Variants in DAB1 observed in about 807,000 individuals in gnomAD.
DAB1 encodes the protein disabled homolog 1.
In DAB1, 15 loss-of-function variants were observed where a neutral mutation model predicts 64.6. The ratio of observed to expected loss-of-function variants is 0.23; its 90% confidence interval spans 0.16 to 0.36. The LOEUF (loss-of-function observed/expected upper bound fraction) is 0.36, where lower values mean the gene tolerates loss of function less well. DAB1 is among the 10% of genes least tolerant of loss of function. DAB1 has a pLI of 1.00. For synonymous variants in DAB1, 235 were observed against 251.9 expected, an observed-to-expected ratio of 0.93 and a Z score of 0.64; for missense variants, 596 against 706.7, an observed-to-expected ratio of 0.84 and a Z score of 1.78.
At chr1:57,561,877 A>G (rs977641527) in intron 7 of DAB1, among the ~76,000 whole-genome samples, 1 of 152,182 alleles carries the variant, frequency 6.6e-6, no homozygotes, top group Non-Finnish European at 1.5e-5. Flanking sequence ...TAGCAGGTTG[A>G]TTATATCAGA....
intron 2 of DAB1, among the ~76,000 whole-genome samples, chr1:57,146,801 G>A (rs995885526): frequency 6.6e-6 from 1 of 152,064 alleles, no homozygotes; most frequent in African/African-American, 2.4e-5. Context: ...TTTGCATTAC[G>A]CTAAGTGTGT....
At chr1:57,150,252 A>C (rs2100841029) in intron 2 of DAB1, among the ~76,000 whole-genome samples, 1 of 152,358 alleles carries the variant, frequency 6.6e-6, no homozygotes, top group East Asian at 1.9e-4. Flanking sequence ...GCAAACAGTA[A>C]GAGCTTAATC....
At chr1:58,422,602 ATTTTTTTTT>A (rs36063995) in intron 3 of DAB1, among the ~76,000 whole-genome samples, 1 of 128,224 alleles carries the variant, frequency 7.8e-6, no homozygotes, top group Non-Finnish European at 1.6e-5. Context: ...CAGGAGGCAA[ATTTTTTTTT>A]TTTTTTTTTT....
At chr1:57,278,137 G>A (rs965198928) in intron 2 of DAB1, among the ~76,000 whole-genome samples, 4 of 152,228 alleles carry the variant, frequency 2.6e-5, no homozygotes, top group Admixed American at 2.6e-4. Context: ...ACAGCATGGT[G>A]TAGCGGAAAG....
intron 7 of DAB1, among the ~76,000 whole-genome samples, chr1:57,644,121 C>T (rs1348715279): frequency 6.6e-6 from 1 of 152,108 alleles, no homozygotes; most frequent in Non-Finnish European, 1.5e-5. Flanking sequence ...GAGAAGGAAA[C>T]AAGCCTGGTG....
At chr1:57,301,511 A>C (rs1284986015) in intron 1 of DAB1, among the ~76,000 whole-genome samples, 2 of 152,162 alleles carry the variant, frequency 1.3e-5, no homozygotes, top group African/African-American at 4.8e-5. Flanking sequence ...AACACGAACT[A>C]TTGCTATTCC....
intron 5 of DAB1, chr1:58,049,217 G>A: frequency 2.6e-6 from 2 of 768,078 alleles, no homozygotes; most frequent in East Asian, 2.4e-5. Context: ...TCTCATCAGT[G>A]GTGTCAAAGC....
chr1:57,252,445 T>C (rs888006583), intron 2 of DAB1, among the ~76,000 whole-genome samples: 3 of 152,212 alleles, frequency 2.0e-5, no homozygotes, highest in Admixed American at 6.5e-5. Flanking sequence ...ACTGAGTTTA[T>C]TTCCATGAAA....
At chr1:57,056,333 T>C (rs1320422119) in intron 9 of DAB1, among the ~76,000 whole-genome samples, 1 of 117,308 alleles carries the variant, frequency 8.5e-6, no homozygotes, top group Non-Finnish European at 1.8e-5. Flanking sequence ...TCCTCATCTT[T>C]AAAAAAAAAA....
intron 5 of DAB1, among the ~76,000 whole-genome samples, chr1:58,088,104 G>C (rs1470829270): frequency 6.6e-6 from 1 of 152,236 alleles, no homozygotes; most frequent in East Asian, 1.9e-4. Context: ...CATCCAGAGA[G>C]AGGGCTGGGT....
intron 7 of DAB1, among the ~76,000 whole-genome samples, chr1:57,527,269 T>C (rs935141103): frequency 6.6e-6 from 1 of 152,212 alleles, no homozygotes; most frequent in Non-Finnish European, 1.5e-5. Context: ...TCCTTGGTGA[T>C]TGGACTGATT....
chr1:57,243,035 T>G (rs1451404562), intron 2 of DAB1, among the ~76,000 whole-genome samples: 1 of 152,168 alleles, frequency 6.6e-6, no homozygotes, highest in Admixed American at 6.5e-5. Flanking sequence ...CTGAAATGGG[T>G]TGTTACCAGC....
intron 3 of DAB1, among the ~76,000 whole-genome samples, chr1:58,499,541 A>C (rs1281659373): frequency 7.9e-6 from 1 of 125,880 alleles, no homozygotes; most frequent in East Asian, 2.5e-4. Context: ...AAAAAGTATA[A>C]ACTTTCAGTC....
At chr1:58,153,294 C>T (rs946838750) in intron 4 of DAB1, among the ~76,000 whole-genome samples, 5 of 152,184 alleles carry the variant, frequency 3.3e-5, no homozygotes, top group Non-Finnish European at 7.3e-5. Flanking sequence ...AGTACTTCCA[C>T]ATCTTTCATC....
At chr1:57,664,127 A>G (rs1028054031) in intron 6 of DAB1, among the ~76,000 whole-genome samples, 14 of 151,858 alleles carry the variant, frequency 9.2e-5, no homozygotes, top group African/African-American at 2.2e-4. Flanking sequence ...TAAATGGGGG[A>G]AAAAAAAGGA....
chr1:57,563,695 G>C (rs1371049023), intron 7 of DAB1, among the ~76,000 whole-genome samples: 2 of 152,164 alleles, frequency 1.3e-5, no homozygotes, highest in Non-Finnish European at 2.9e-5. Flanking sequence ...CTCATTGCTA[G>C]CACAGCAGTC....
chr1:57,757,205 T>TG (rs1648853526), intron 6 of DAB1, among the ~76,000 whole-genome samples: 3 of 127,562 alleles, frequency 2.4e-5, no homozygotes, highest in South Asian at 2.3e-4. Context: ...AGAATTTTTT[T>TG]TTTTTTTTTT....
At chr1:57,456,707 G>A (rs1686606640) in intron 7 of DAB1, among the ~76,000 whole-genome samples, 1 of 152,030 alleles carries the variant, frequency 6.6e-6, no homozygotes, top group South Asian at 2.1e-4. Context: ...TATAACCATT[G>A]AGTTATTTTA....
Position 57,193,479 on chromosome 1 carries a change from C to T in DAB1, c.68-48050G>A, listed in dbSNP as rs1252948211. Among the ~76,000 whole-genome samples the T allele has an allele frequency of 4.7e-5, 7 of 149,598 alleles. 1 individual carries two copies. Among genetic ancestry groups the T allele is most frequent in the South Asian group, 4.3e-4 (2 of 4,690 alleles). ...TCGGCTCACTACAAGCTCCACCTCC[C>T]GGGTTCACGCCATTCTCCTGCCTCA... is the stretch of plus-strand genomic sequence containing the variant. On this transcript the variant is annotated intron_variant, in intron 2 of 14. Transcript: ENST00000371236.
Sources: gnomAD v4.1 joint callset for allele counts (sites outside exome capture counted in the v4.1 genomes callset) on GRCh38, gnomAD v4.1.1 for gene constraint, MANE v1.5 for transcripts, NCBI Gene and HGNC (gene_info 2026-07-23, HGNC 2026-07-21) for gene names.